PRKAR1A: variants seen among roughly 807,000 people sequenced by gnomAD.
PRKAR1A encodes protein kinase cAMP-dependent type I regulatory subunit alpha, also known as cAMP-dependent protein kinase type I-alpha regulatory subunit.
A neutral mutation model predicts 52.0 loss-of-function variants in PRKAR1A; 3 were observed. The observed-to-expected ratio is 0.06, with a 90% confidence interval of 0.03 to 0.15. The LOEUF (loss-of-function observed/expected upper bound fraction) is 0.15. PRKAR1A is among the 10% of genes least tolerant of loss of function. The pLI, the probability that PRKAR1A is intolerant of heterozygous loss-of-function variation, is 1.00. For missense variants in PRKAR1A, 240 were observed against 477.4 expected (o/e 0.50, Z 4.63); for synonymous variants, 188 against 168.4 (o/e 1.12, Z -0.90).
chr17:68,476,529 C>A, the PRKAR1A span, among the ~76,000 whole-genome samples: 1 of 152,176 alleles, frequency 6.6e-6, no homozygotes, highest in Non-Finnish European at 1.5e-5. Flanking sequence ...CCTCCCGGGG[C>A]AACCACTGTT....
At chr17:68,524,411 A>ATG in intron 5 of PRKAR1A, among the ~76,000 whole-genome samples, 1 of 152,170 alleles carries the variant, frequency 6.6e-6, no homozygotes, top group East Asian at 1.9e-4. Flanking sequence ...TAAGAAATAA[A>ATG]TGAAACACCT....
the PRKAR1A span, among the ~76,000 whole-genome samples, chr17:68,504,492 T>C: frequency 2.0e-5 from 3 of 152,110 alleles, no homozygotes; most frequent in African/African-American, 7.2e-5. Context: ...TACAAATACA[T>C]AATGGAGTAC....
chr17:68,485,759 G>A, the PRKAR1A span, among the ~76,000 whole-genome samples: 3 of 152,214 alleles, frequency 2.0e-5, no homozygotes, highest in African/African-American at 7.2e-5. Flanking sequence ...TTTATTTTGA[G>A]ACAGAGTCTC....
Position 68,531,388 on chromosome 17 carries a change from G to GA in PRKAR1A, c.*940dup. 9.4e-7 allele frequency: 1 copy of GA among 1,065,800 alleles called. No individual in the cohort carries two copies. The highest frequency in any genetic ancestry group is 1.1e-6 in the Non-Finnish European group (1 of 879,470). 66.0% of individuals were successfully genotyped at this position (1,065,800 alleles called of 1,614,324 possible). ...TCTGCTCATTAAACTGATTCCAGGA[G>GA]ATTGGATTTGCTGTGACTAGATACA... On this transcript the variant is annotated 3_prime_UTR_variant, in exon 11 of 11. Coordinates refer to ENST00000589228, the MANE Select transcript of PRKAR1A (RefSeq NM_002734.5).
intron 11 of PRKAR1A, chr17:68,540,734 T>C: frequency 7.7e-7 from 1 of 1,301,396 alleles, no homozygotes; most frequent in South Asian, 1.3e-5. Flanking sequence ...CTGTGGGAGG[T>C]GCAGAGTTAC....
At chr17:68,469,739 A>G in the PRKAR1A span, among the ~76,000 whole-genome samples, 1 of 152,172 alleles carries the variant, frequency 6.6e-6, no homozygotes, top group Admixed American at 6.5e-5. Context: ...TAAGGACCCC[A>G]AAGAGCTTTT....
At chr17:68,449,845 AAAAAAATACAG>A in the PRKAR1A span, among the ~76,000 whole-genome samples, 82 of 152,236 alleles carry the variant, frequency 5.4e-4, no homozygotes, top group Non-Finnish European at 1.1e-3. Context: ...CTGGCAATAT[AAAAAAATACAG>A]AAAAATTAGC....
At chr17:68,439,523 T>C in the PRKAR1A span, among the ~76,000 whole-genome samples, 2 of 152,156 alleles carry the variant, frequency 1.3e-5, no homozygotes, top group African/African-American at 4.8e-5. Flanking sequence ...TTTGGGGCGA[T>C]GAAAATGCTC....
At position 68,521,174 on chromosome 17, in the gene PRKAR1A, T is replaced by G. The variant is rs529312227; in HGVS notation, c.178-1582T>G. ...CCAGTCTGGTCTTGAACTCCTGACC[T>G]TGTGGTCTGCCCACCTTGGCCTCCC... On this transcript the variant is annotated intron_variant, in intron 2 of 10. Coordinates refer to ENST00000589228, the MANE Select transcript of PRKAR1A (RefSeq NM_002734.5). 3.8e-3 allele frequency among the ~76,000 whole-genome samples: 585 copies of G among 152,296 alleles called. 2 individuals are homozygous for G. The highest frequency in any genetic ancestry group is 6.7e-3 in the Admixed American group (102 of 15,296).
the PRKAR1A span, among the ~76,000 whole-genome samples, chr17:68,418,060 T>C: frequency 6.6e-6 from 1 of 152,072 alleles, no homozygotes; most frequent in Admixed American, 6.5e-5. Context: ...TGTTCAGCTT[T>C]TTACTTGTTA....
Position 68,524,184 on chromosome 17 carries a change from C to CT in PRKAR1A, c.502+117dup, listed in dbSNP as rs140696489. Reference sequence around the variant, plus strand: ...TTTGTTTTCCTCTTTGATCCTACCACTTTTTTTTTTCTGTTATACTATTGG... The same window carrying CT: ...TTTGTTTTCCTCTTTGATCCTACCACTTTTTTTTTTTCTGTTATACTATTGG... On this transcript the variant is annotated intron_variant, in intron 5 of 10. Coordinates refer to ENST00000589228, the MANE Select transcript of PRKAR1A (RefSeq NM_002734.5). The CT allele has an allele frequency of 0.023, 21,916 of 937,020 alleles. 97 individuals are homozygous for CT. Among genetic ancestry groups the CT allele is most frequent in the African/African-American group, 0.07 (4,021 of 57,628 alleles). 58.0% of individuals were successfully genotyped at this position (937,020 alleles called of 1,614,324 possible).
At chr17:68,450,545 C>T in the PRKAR1A span, among the ~76,000 whole-genome samples, 3 of 152,208 alleles carry the variant, frequency 2.0e-5, no homozygotes, top group African/African-American at 2.4e-5. Flanking sequence ...GGGAAAACAA[C>T]GTTACAACCA....
At chr17:68,440,893 G>A in the PRKAR1A span, 6 of 152,188 alleles carry the variant, frequency 3.9e-5, no homozygotes, top group South Asian at 2.1e-4. Context: ...TACGCTTTCC[G>A]ATTTTCAAAA....
chr17:68,515,568 T>A lies in PRKAR1A; in HGVS notation c.169T>A (p.Leu57Met). The A allele has an allele frequency of 6.2e-7, 1 of 1,612,132 alleles. No homozygotes were observed. Among genetic ancestry groups the A allele is most frequent in the Non-Finnish European group, 8.5e-7 (1 of 1,179,830 alleles). Residue 57 changes from leucine to methionine, a missense_variant, in exon 2 of 11, where the codon TTG (leucine) becomes ATG (methionine). Around this residue, in one of 4 missense-constraint regions of PRKAR1A, gnomAD observed 107 missense variants for 114.6 expected, o/e 0.93. Coordinates refer to ENST00000589228, the MANE Select transcript of PRKAR1A (RefSeq NM_002734.5). ...MAFLREYFERLEKEEAKQIQN... is the reference protein window; with the variant it reads ...MAFLREYFERMEKEEAKQIQN... Reference sequence around the variant, plus strand: ...ATTCCTCAGGGAATACTTTGAGAGGTTGGAGAAGGTAAAAATAAATGTGGG... The same window carrying A: ...ATTCCTCAGGGAATACTTTGAGAGGATGGAGAAGGTAAAAATAAATGTGGG...
the PRKAR1A span, among the ~76,000 whole-genome samples, chr17:68,481,741 C>A: frequency 6.6e-6 from 1 of 152,048 alleles, no homozygotes; most frequent in Non-Finnish European, 1.5e-5. Context: ...TCATTTTTTT[C>A]GTGTGATATT....
chr17:68,498,692 C>G, the PRKAR1A span, among the ~76,000 whole-genome samples: 1 of 152,248 alleles, frequency 6.6e-6, no homozygotes, highest in East Asian at 1.9e-4. Context: ...GCAATTGGCC[C>G]TAGTTCCATC....
At chr17:68,426,254 G>GGGGCCCCCC in the PRKAR1A span, 1 of 816,914 alleles carries the variant, frequency 1.2e-6, no homozygotes, top group Non-Finnish European at 1.9e-6. Flanking sequence ...GGGAGCGGGG[G>GGGGCCCCCC]CTCAAATAAA....
the PRKAR1A span, among the ~76,000 whole-genome samples, chr17:68,488,096 T>C: frequency 6.6e-6 from 1 of 152,004 alleles, no homozygotes; most frequent in African/African-American, 2.4e-5. Context: ...AATTTGAAGA[T>C]GGCCAGGTGG....
the PRKAR1A span, chr17:68,451,048 G>T: frequency 1.8e-6 from 2 of 1,104,168 alleles, no homozygotes; most frequent in Non-Finnish European, 2.5e-6. Flanking sequence ...CATTGACAGT[G>T]ATCCACCATG....
Sources: allele counts gnomAD v4.1 joint callset (sites outside exome capture counted in the v4.1 genomes callset), GRCh38; gene constraint gnomAD v4.1.1; regional missense constraint gnomAD v4.1.1; transcripts MANE v1.5; gene names NCBI Gene and HGNC (gene_info 2026-07-23, HGNC 2026-07-21).